Variants in GID4 observed in about 807,000 individuals in gnomAD.
The protein encoded by GID4 is glucose-induced degradation protein 4 homolog.
A neutral mutation model predicts 32.4 loss-of-function variants in GID4; 7 were observed. The observed-to-expected ratio is 0.22, with a 90% CI of 0.12 to 0.41. The LOEUF is 0.41. Among genes scored for constraint, GID4 ranks in the 10% least tolerant of loss-of-function variants. The probability of loss-of-function intolerance (pLI) is 1.00; values close to 1 mark genes in which losing one functional copy is unlikely to be tolerated. For synonymous variants in GID4, 166 were observed against 170.0 expected, an observed-to-expected ratio of 0.98 and a Z score of 0.18; for missense variants, 309 against 400.0, an observed-to-expected ratio of 0.77 and a Z score of 1.94.
In GID4 at chr17:18,056,989, C is replaced by T. The variant is rs138791618; in HGVS notation, c.607-1879C>T. The stretch of plus-strand genomic sequence containing the variant: ...TGTCTGAGATTTACAATGTCTAATA[C>T]ACTTCACCTAGGCTGTCATTTTTTC... On this transcript the variant is annotated intron_variant, in intron 3 of 5. Coordinates refer to ENST00000268719, the MANE Select transcript of GID4 (RefSeq NM_024052.5). 3.2e-3 allele frequency: 4,978 copies of T among 1,549,828 alleles called. 49 individuals carry two copies. The highest frequency in any genetic ancestry group is 0.021 in the South Asian group (1,803 of 84,048).
chr17:18,065,214 C>T lies in GID4; in HGVS notation c.874C>T (p.His292Tyr). Residue 292 changes from histidine (H) to tyrosine (Y), a missense_variant, in exon 6 of 6, where the codon CAC becomes TAC. By Grantham distance (83) the His-to-Tyr change is moderately conservative (BLOSUM62 2). Transcript: ENST00000268719. ...CCTCAATCTAACCCATGTTCCTGAA[C>T]ACAGTGCACCCATCTATGAATTCCG... ...QSLNLTHVPE[H>Y]SAPIYEFR 1 of 1,613,882 alleles carries T rather than the reference C, an allele frequency of 6.2e-7. No individual in the cohort carries two copies. The highest frequency in any genetic ancestry group is 8.5e-7 in the Non-Finnish European group (1 of 1,179,724).
At chr17:18,059,732 A>G (rs1319144188) in intron 4 of GID4, among the ~76,000 whole-genome samples, 1 of 152,190 alleles carries the variant, frequency 6.6e-6, no homozygotes, top group Non-Finnish European at 1.5e-5. Flanking sequence ...AGCTTTCATA[A>G]AGATGAATCA....
chr17:18,041,310 G>T (rs893727983), intron 1 of GID4, among the ~76,000 whole-genome samples: 1 of 152,080 alleles, frequency 6.6e-6, no homozygotes, highest in African/African-American at 2.4e-5. Context: ...TGAAGAGTAG[G>T]TCTCCCATCC....
rs75389242 is a variant in GID4, at chr17:18,054,305, G to A, written c.606+71G>A. The A allele has an allele frequency of 1.6e-3, 1,524 of 964,364 alleles. 20 individuals carry two copies. In the African/African-American group the frequency reaches 0.023, roughly 14 times the overall value. 59.7% of individuals were successfully genotyped at this position (964,364 alleles called of 1,614,324 possible). A position where few individuals can be genotyped will look rare whatever the true frequency, so the allele number is the denominator to read the frequency against. On this transcript the variant is annotated intron_variant, in intron 3 of 5. Transcript: ENST00000268719. The stretch of plus-strand genomic sequence containing the variant: ...AATTGAAGAAATGCTGGGAGCCAGA[G>A]ACCTTGTCCCTTATTGAGGATTACT...
rs2045086344 is a variant in GID4, at chr17:18,068,284, ATT to A, written c.*3044_*3045del. 1 of 152,490 alleles carries A rather than the reference ATT, an allele frequency of 6.6e-6. No individual in the cohort carries two copies. Among genetic ancestry groups the A allele is most frequent in the Non-Finnish European group, 1.5e-5 (1 of 68,028 alleles). The allele number at this position is 152,490 out of a possible 1,614,324, so 9.4% of individuals were successfully genotyped here. The stretch of plus-strand genomic sequence containing the variant: ...ACTTGAATGGGCACAAAGTATAAAT[ATT>A]TTGTTTCTTTATGGAGGACATGTGG... On this transcript the variant is annotated 3_prime_UTR_variant, in exon 6 of 6. Transcript: ENST00000268719.
chr17:18,066,603 C>G lies in GID4; in HGVS notation c.*1360C>G, dbSNP rs1329329912. ...TTTTTCTGGTGGTTTACAAGACTTA[C>G]TCCGAATACAAGAGGAAAAGCTTTA... is the stretch of plus-strand genomic sequence containing the variant. On this transcript the variant is annotated 3_prime_UTR_variant, in exon 6 of 6. Coordinates refer to ENST00000268719, the MANE Select transcript of GID4 (RefSeq NM_024052.5). The G allele has an allele frequency of 1.3e-5, 2 of 151,954 alleles. No homozygotes were observed. The highest frequency in any genetic ancestry group is 4.8e-5 in the African/African-American group (2 of 41,338). The allele number at this position is 151,954 out of a possible 1,614,324, so 9.4% of individuals were successfully genotyped here. A position where few individuals can be genotyped will look rare whatever the true frequency, so the allele number is the denominator to read the frequency against.
intron 4 of GID4, among the ~76,000 whole-genome samples, chr17:18,060,126 G>A (rs148785513): frequency 0.031 from 4,614 of 148,376 alleles, 202 homozygotes; most frequent in African/African-American, 0.1. Flanking sequence ...ATCACTGGGC[G>A]CGGTGGCTCA....
In GID4 at chr17:18,067,892, G is replaced by A. The variant is rs1339297421; in HGVS notation, c.*2649G>A. 1 of 152,554 alleles carries A rather than the reference G, an allele frequency of 6.6e-6. No individual in the cohort carries two copies. Among genetic ancestry groups the A allele is most frequent in the Non-Finnish European group, 1.5e-5 (1 of 68,034 alleles). 9.5% of individuals were successfully genotyped at this position (152,554 alleles called of 1,614,324 possible). A position where few individuals can be genotyped will look rare whatever the true frequency, so the allele number is the denominator to read the frequency against. On this transcript the variant is annotated 3_prime_UTR_variant, in exon 6 of 6. Transcript: ENST00000268719. ...CTGTCCTCAGCCTCGACCCTCTTCT[G>A]TGCTGGACTTCCACCCACCCACCCT...
rs368181181 is a variant in GID4, at chr17:18,061,813, A to C, written c.709-32A>C. ...GCCCCGTGGGTGGTCAGAGAATGCTATCTGTTACTGACCCTCTTCATCTGT... is the reference window on the plus strand; with the variant it reads ...GCCCCGTGGGTGGTCAGAGAATGCTCTCTGTTACTGACCCTCTTCATCTGT... On this transcript the variant is annotated intron_variant, in intron 4 of 5. Transcript: ENST00000268719. The surrounding 1 kb of genome is among the most constrained non-coding windows in gnomAD (Gnocchi z 4.4). 2 of 1,612,972 alleles carry C rather than the reference A, an allele frequency of 1.2e-6. No homozygotes were observed. The highest frequency in any genetic ancestry group is 2.2e-5 in the East Asian group (1 of 44,888).
chr17:18,049,125 C>T (rs11652894), intron 2 of GID4, among the ~76,000 whole-genome samples: 69,432 of 150,520 alleles, frequency 0.46, 18,504 homozygotes, highest in Non-Finnish European at 0.62. Flanking sequence ...CGCCTGAGGT[C>T]AGGAGTTTGA....
At chr17:18,062,347 C>T (rs2045024249) in intron 5 of GID4, among the ~76,000 whole-genome samples, 1 of 152,166 alleles carries the variant, frequency 6.6e-6, no homozygotes, top group African/African-American at 2.4e-5. Context: ...TTGCTGTCAG[C>T]AGCTTTTTAA....
At chr17:18,047,159 G>A (rs1887268284) in intron 2 of GID4, among the ~76,000 whole-genome samples, 1 of 152,162 alleles carries the variant, frequency 6.6e-6, no homozygotes, top group Non-Finnish European at 1.5e-5. Context: ...GTTTGTTGTT[G>A]AGACCAAAGG....
At chr17:18,042,849 T>C (rs1567583976) in intron 1 of GID4, among the ~76,000 whole-genome samples, 1 of 152,244 alleles carries the variant, frequency 6.6e-6, no homozygotes, top group Non-Finnish European at 1.5e-5. Flanking sequence ...TTTGAAGTGG[T>C]CTCTCACTGT....
intron 3 of GID4, chr17:18,057,380 T>A: frequency 4.5e-6 from 1 of 221,780 alleles, no homozygotes; most frequent in Non-Finnish European, 9.1e-6. Context: ...TGCAGTGAGC[T>A]GAGATCATGC....
chr17:18,048,597 G>T (rs1050927384), intron 2 of GID4, among the ~76,000 whole-genome samples: 2 of 151,694 alleles, frequency 1.3e-5, no homozygotes, highest in South Asian at 2.1e-4. Flanking sequence ...CTGTATTTGG[G>T]TTTTTTTTCT....
intron 2 of GID4, among the ~76,000 whole-genome samples, chr17:18,046,531 C>T (rs1335956259): frequency 6.6e-6 from 1 of 151,798 alleles, no homozygotes; most frequent in African/African-American, 2.4e-5. Flanking sequence ...TCGCTTGAGG[C>T]TAGGATTTGA....
intron 5 of GID4, among the ~76,000 whole-genome samples, chr17:18,064,912 C>G (rs1378680504): frequency 1.3e-5 from 2 of 151,924 alleles, no homozygotes; most frequent in Non-Finnish European, 2.9e-5. Context: ...TTGAGGTCTC[C>G]TTTTTATAAA....
At chr17:18,040,717 C>A (rs1412351716) in intron 1 of GID4, among the ~76,000 whole-genome samples, 1 of 152,222 alleles carries the variant, frequency 6.6e-6, no homozygotes, top group Non-Finnish European at 1.5e-5. Flanking sequence ...CACCCCATAC[C>A]TTCGTCTTGC....
chr17:18,059,133 G>A lies in GID4; in HGVS notation c.708+164G>A, dbSNP rs998108959. Among the ~76,000 whole-genome samples, 14 of 152,152 alleles carry A rather than the reference G, an allele frequency of 9.2e-5. No individual in the cohort carries two copies. In the East Asian group the frequency reaches 2.3e-3, roughly 25 times the overall value. The stretch of plus-strand genomic sequence containing the variant: ...GTCTTTGCACGCCTATAAAAAGTGG[G>A]CCCAGCTCCAGGGCACGCACTGGTT... On this transcript the variant is annotated intron_variant, in intron 4 of 5. Transcript: ENST00000268719.
Sources: gnomAD v4.1 joint callset for allele counts (sites outside exome capture counted in the v4.1 genomes callset) on GRCh38, gnomAD v4.1.1 for gene constraint, Gnocchi (gnomAD v3.1) non-coding constraint, MANE v1.5 for transcripts, NCBI Gene and HGNC (gene_info 2026-07-23, HGNC 2026-07-21) for gene names.